The following ANO2 variants were observed in gnomAD, a reference collection of about 807,000 sequenced individuals.
ANO2 encodes anoctamin-2.
In ANO2, 101 loss-of-function variants were observed where a neutral mutation model predicts 124.2. The ratio of observed to expected loss-of-function variants is 0.81; its 90% CI spans 0.69 to 0.96. The LOEUF (loss-of-function observed/expected upper bound fraction) is 0.96, where lower values mean the gene tolerates loss of function less well. Ranked by LOEUF, ANO2 falls within the 40% of genes least tolerant of loss-of-function variation. The probability of loss-of-function intolerance (pLI) is 0.00; values close to 1 mark genes in which losing one functional copy is unlikely to be tolerated. For synonymous variants in ANO2, 486 were observed against 482.5 expected, an observed-to-expected ratio of 1.01 and a Z score of -0.09; for missense variants, 1,293 against 1,274.5, an observed-to-expected ratio of 1.01 and a Z score of -0.22.
intron 4 of ANO2, chr12:5,851,937 G>T: frequency 1.3e-6 from 1 of 741,734 alleles, no homozygotes; most frequent in Non-Finnish European, 2.5e-6. Flanking sequence ...TCATAACATG[G>T]GCATTAGAGT....
intron 1 of ANO2, among the ~76,000 whole-genome samples, chr12:5,923,335 A>C (rs948510511): frequency 6.6e-6 from 1 of 151,874 alleles, no homozygotes; most frequent in African/African-American, 2.4e-5. Flanking sequence ...TGGCTGTCAT[A>C]ATCTCTCATA....
At chr12:5,717,748 A>T (rs1950075006) in intron 14 of ANO2, among the ~76,000 whole-genome samples, 1 of 152,178 alleles carries the variant, frequency 6.6e-6, no homozygotes, top group Non-Finnish European at 1.5e-5. Flanking sequence ...CATTGATCTG[A>T]TCTTGGATGT....
At position 5,739,098 on chromosome 12, in the gene ANO2, C is replaced by T. The variant is rs1433703852; in HGVS notation, c.1434+219G>A. ...ATCTGCCCAAACACCAGGCTCAATG[C>T]CCTCCAGCTCAAGGGAAGAGGGGGT... is the stretch of plus-strand genomic sequence containing the variant. On this transcript the variant is annotated intron_variant, in intron 13 of 24. Transcript: ENST00000682330. The T allele has an allele frequency of 1.2e-5, 8 of 669,902 alleles. No individual in the cohort carries two copies. The Admixed American group carries it at 1.4e-4, about 12-fold the overall frequency. The allele number at this position is 669,902 out of a possible 1,614,324, so 41.5% of individuals were successfully genotyped here.
Position 5,900,917 on chromosome 12 carries a change from C to T in ANO2, c.534+20123G>A, listed in dbSNP as rs1940153201. The stretch of plus-strand genomic sequence containing the variant: ...GGACAGGTCTCAGTCTAGGTCATTC[C>T]CCTGCCGGCAGCACTTTGATGGCTT... On this transcript the variant is annotated intron_variant, in intron 3 of 24. Coordinates refer to ENST00000682330, the MANE Select transcript of ANO2 (RefSeq NM_001364791.2). This position sits in a 1 kb window ranked among gnomAD's most constrained non-coding sequence, Gnocchi z 4.2. Among the ~76,000 whole-genome samples the T allele has an allele frequency of 6.6e-6, 1 of 152,170 alleles. No individual in the cohort carries two copies. Among genetic ancestry groups the T allele is most frequent in the Admixed American group, 6.5e-5 (1 of 15,278 alleles).
At chr12:5,574,702 G>C (rs1197077215) in intron 23 of ANO2, among the ~76,000 whole-genome samples, 1 of 152,156 alleles carries the variant, frequency 6.6e-6, no homozygotes, top group Non-Finnish European at 1.5e-5. Context: ...TGATGCAGCA[G>C]CCCAGCTGCG....
chr12:5,772,100 A>G (rs1952100032), intron 10 of ANO2, among the ~76,000 whole-genome samples: 1 of 152,226 alleles, frequency 6.6e-6, no homozygotes, highest in Non-Finnish European at 1.5e-5. Context: ...ATTTTTTAAT[A>G]AAGAGGAAAA....
intron 10 of ANO2, among the ~76,000 whole-genome samples, chr12:5,771,080 T>C (rs1348907272): frequency 6.6e-6 from 1 of 152,264 alleles, no homozygotes; most frequent in Non-Finnish European, 1.5e-5. Flanking sequence ...TCTCCACTGC[T>C]AGAATGTAAG....
chr12:5,619,899 C>T (rs1185750140), intron 16 of ANO2, among the ~76,000 whole-genome samples: 1 of 152,168 alleles, frequency 6.6e-6, no homozygotes, highest in African/African-American at 2.4e-5. Context: ...TGTAACTTTC[C>T]TAAGTGAAGA....
chr12:5,624,596 C>A (rs1945302717), intron 16 of ANO2, among the ~76,000 whole-genome samples: 1 of 152,262 alleles, frequency 6.6e-6, no homozygotes, highest in South Asian at 2.1e-4. Flanking sequence ...ACAGGAAATT[C>A]TCCTGCCTTT....
Position 5,922,535 on chromosome 12 carries a change from T to G in ANO2, c.207+85A>C, listed in dbSNP as rs574156785. On this transcript the variant is annotated intron_variant, in intron 2 of 24. Transcript: ENST00000682330. ...TTTCACGCACACATGTGCTCCCAAC[T>G]GGAGGATCCCCCAGACCAGAGGCTC... 1.2e-5 allele frequency: 17 copies of G among 1,400,844 alleles called. 1 individual carries two copies. The South Asian group carries it at 2.1e-4, about 18-fold the overall frequency. The allele number at this position is 1,400,844 out of a possible 1,614,324, so 86.8% of individuals were successfully genotyped here.
intron 7 of ANO2, among the ~76,000 whole-genome samples, chr12:5,826,929 A>G (rs1953974746): frequency 5.9e-5 from 9 of 152,230 alleles, no homozygotes; most frequent in Admixed American, 5.9e-4. Flanking sequence ...AAGATTTGCC[A>G]TCCCAGAGCG....
rs149463931 is a variant in ANO2, at chr12:5,619,376, A to C, written c.1817-4079T>G. On this transcript the variant is annotated intron_variant, in intron 16 of 24. Transcript: ENST00000682330. ...ATTTTAATATTAAAAATTCATCTAT[A>C]GCAAGGGTTATTGCAGGAAGAATAA... is the stretch of plus-strand genomic sequence containing the variant. Among the ~76,000 whole-genome samples the C allele has an allele frequency of 2.0e-3, 300 of 152,388 alleles. 2 individuals carry two copies. The highest frequency in any genetic ancestry group is 6.9e-3 in the African/African-American group (285 of 41,588).
intron 7 of ANO2, among the ~76,000 whole-genome samples, chr12:5,824,409 G>A (rs962053442): frequency 5.3e-5 from 8 of 152,120 alleles, no homozygotes; most frequent in African/African-American, 1.9e-4. Flanking sequence ...CAAGTTCATA[G>A]TTCTACTGAT....
chr12:5,609,542 A>G (rs996613470), intron 19 of ANO2, among the ~76,000 whole-genome samples: 5 of 152,280 alleles, frequency 3.3e-5, no homozygotes, highest in African/African-American at 1.2e-4. Context: ...CTTTAGCTCT[A>G]CAAATATATT....
chr12:5,730,406 CTG>C (rs1950589169), intron 14 of ANO2, among the ~76,000 whole-genome samples: 1 of 152,176 alleles, frequency 6.6e-6, no homozygotes, highest in Non-Finnish European at 1.5e-5. Context: ...GCGCACCACT[CTG>C]GGCCTCAGTA....
intron 10 of ANO2, among the ~76,000 whole-genome samples, chr12:5,780,019 T>C (rs1297461095): frequency 6.6e-6 from 1 of 152,186 alleles, no homozygotes; most frequent in Non-Finnish European, 1.5e-5. Context: ...GAATAGGTAA[T>C]GGTATTGTAT....
chr12:5,792,961 C>T (rs1361465329), intron 10 of ANO2, among the ~76,000 whole-genome samples: 1 of 152,152 alleles, frequency 6.6e-6, no homozygotes, highest in African/African-American at 2.4e-5. Context: ...GTTACCCCAC[C>T]AGTGAGTCCC....
At chr12:5,628,978 C>G (rs773142197) in intron 16 of ANO2, among the ~76,000 whole-genome samples, 10 of 152,202 alleles carry the variant, frequency 6.6e-5, no homozygotes, top group Non-Finnish European at 1.2e-4. Flanking sequence ...TCCTTTCACT[C>G]TCATCCCTGG....
At chr12:5,770,752 A>T (rs1300393163) in intron 10 of ANO2, among the ~76,000 whole-genome samples, 3 of 152,222 alleles carry the variant, frequency 2.0e-5, no homozygotes. Flanking sequence ...CACAGGTAGA[A>T]GAAAACCCAA....
Sources: allele counts gnomAD v4.1 joint callset (sites outside exome capture counted in the v4.1 genomes callset), GRCh38; gene constraint gnomAD v4.1.1; non-coding constraint Gnocchi (gnomAD v3.1); transcripts MANE v1.5; gene names NCBI Gene and HGNC (gene_info 2026-07-23, HGNC 2026-07-21).